The following EFNA5 variants were observed in gnomAD, a reference collection of about 807,000 sequenced individuals.
The protein encoded by EFNA5 is ephrin-A5.
Under a neutral mutation model 22.9 loss-of-function variants are expected in EFNA5, and 5 were observed. The observed-to-expected ratio is 0.22, with a 90% CI of 0.11 to 0.46. The LOEUF (loss-of-function observed/expected upper bound fraction) is 0.46, where lower values mean the gene tolerates loss of function less well. EFNA5 is among the 20% of genes least tolerant of loss of function. EFNA5 has a pLI of 0.99. For synonymous variants in EFNA5, 113 were observed against 112.2 expected, an observed-to-expected ratio of 1.01 and a Z score of -0.04; for missense variants, 237 against 293.3, an observed-to-expected ratio of 0.81 and a Z score of 1.40.
intron 1 of EFNA5, among the ~76,000 whole-genome samples, chr5:107,605,155 G>T (rs575085784): frequency 2.6e-5 from 4 of 151,876 alleles, no homozygotes; most frequent in Admixed American, 6.6e-5. Context: ...GTGGGGATGG[G>T]GGGGGAAGCA....
intron 1 of EFNA5, among the ~76,000 whole-genome samples, chr5:107,541,604 T>A (rs1357913862): frequency 1.3e-5 from 2 of 152,242 alleles, no homozygotes; most frequent in Non-Finnish European, 2.9e-5. Flanking sequence ...GGTGGTTTTG[T>A]CTAGCAGGCA....
chr5:107,491,300 GCCCCTCCCTCCCTCCTTCCTCC>G (rs1746799625), intron 1 of EFNA5, among the ~76,000 whole-genome samples: 1 of 152,096 alleles, frequency 6.6e-6, no homozygotes, highest in Admixed American at 6.5e-5. Flanking sequence ...AATACAGACG[GCCCCTCCCTCCCTCCTTCCTCC>G]CTTCCTTCCA....
At chr5:107,423,859 C>T (rs1301809698) in intron 2 of EFNA5, among the ~76,000 whole-genome samples, 3 of 152,074 alleles carry the variant, frequency 2.0e-5, no homozygotes, top group Non-Finnish European at 4.4e-5. Flanking sequence ...AATAAAGGGA[C>T]TAGAACTGCA....
At chr5:107,528,551 A>G (rs1645497030) in intron 1 of EFNA5, among the ~76,000 whole-genome samples, 1 of 152,218 alleles carries the variant, frequency 6.6e-6, no homozygotes, top group African/African-American at 2.4e-5. Context: ...AGTTTAAAGC[A>G]ATAGTCTCAA....
At chr5:107,449,091 T>C (rs2112444217) in intron 1 of EFNA5, among the ~76,000 whole-genome samples, 1 of 152,178 alleles carries the variant, frequency 6.6e-6, no homozygotes, top group South Asian at 2.1e-4. Context: ...CTATAACACT[T>C]TCAGTTTCAC....
chr5:107,395,595 A>G (rs1028289321), intron 2 of EFNA5, among the ~76,000 whole-genome samples: 1 of 152,236 alleles, frequency 6.6e-6, no homozygotes, highest in Non-Finnish European at 1.5e-5. Flanking sequence ...AAAGTTTTCT[A>G]TTATCAACTA....
At chr5:107,482,868 C>CTA (rs1491566387) in intron 1 of EFNA5, among the ~76,000 whole-genome samples, 38 of 42,916 alleles carry the variant, frequency 8.9e-4, no homozygotes, top group East Asian at 8.2e-3. Context: ...CTCTCTCTCT[C>CTA]TCTATATATA....
chr5:107,382,672 T>C (rs1390107674), intron 4 of EFNA5, among the ~76,000 whole-genome samples: 1 of 152,170 alleles, frequency 6.6e-6, no homozygotes, highest in Non-Finnish European at 1.5e-5. Context: ...ACCTGGCCAC[T>C]TGTGCTTTTA....
chr5:107,585,779 C>T (rs1749175146), intron 1 of EFNA5, among the ~76,000 whole-genome samples: 1 of 152,128 alleles, frequency 6.6e-6, no homozygotes, highest in Admixed American at 6.5e-5. Flanking sequence ...GGTGCCATAA[C>T]AGAAATTAGC....
At chr5:107,518,862 CA>C (rs1211716793) in intron 1 of EFNA5, among the ~76,000 whole-genome samples, 2 of 152,148 alleles carry the variant, frequency 1.3e-5, no homozygotes, top group African/African-American at 4.8e-5. Context: ...CCTAGAAACT[CA>C]ATGGAAAGTA....
At chr5:107,559,865 C>T (rs936352247) in intron 1 of EFNA5, among the ~76,000 whole-genome samples, 6 of 152,160 alleles carry the variant, frequency 3.9e-5, no homozygotes, top group Non-Finnish European at 8.8e-5. Flanking sequence ...AAAAATACTT[C>T]TTGCTGGATG....
intron 1 of EFNA5, among the ~76,000 whole-genome samples, chr5:107,486,547 C>T (rs184764343): frequency 6.6e-6 from 1 of 152,308 alleles, no homozygotes; most frequent in East Asian, 1.9e-4. Flanking sequence ...CCATATCTAA[C>T]TTTCTTCTCC....
chr5:107,585,832 G>C lies in EFNA5; in HGVS notation c.125+84657C>G, dbSNP rs72660774. ...TGTGGTTAGAAGTTAAGTTACATAA[G>C]AACATCTGGATGGCAATCAATCAGT... On this transcript the variant is annotated intron_variant, in intron 1 of 4. Transcript: ENST00000333274. Among the ~76,000 whole-genome samples the C allele has an allele frequency of 1.9e-3, 290 of 152,302 alleles. 3 individuals are homozygous for C. The East Asian group carries it at 0.034, about 18-fold the overall frequency.
chr5:107,441,352 T>C (rs1009652077), intron 1 of EFNA5, among the ~76,000 whole-genome samples: 1 of 152,160 alleles, frequency 6.6e-6, no homozygotes, highest in African/African-American at 2.4e-5. Context: ...TACCCACTCT[T>C]GGTGCTGTTA....
chr5:107,603,175 C>G (rs1331589269), intron 1 of EFNA5, among the ~76,000 whole-genome samples: 1 of 152,042 alleles, frequency 6.6e-6, no homozygotes, highest in Admixed American at 6.6e-5. Flanking sequence ...AGATTTAAGC[C>G]GAACTCCTCC....
chr5:107,538,704 T>C (rs1030130262), intron 1 of EFNA5, among the ~76,000 whole-genome samples: 1 of 152,220 alleles, frequency 6.6e-6, no homozygotes, highest in African/African-American at 2.4e-5. Flanking sequence ...ACCAGGAATG[T>C]AGAGCAGGCA....
At chr5:107,460,993 A>G (rs1209325684) in intron 1 of EFNA5, among the ~76,000 whole-genome samples, 1 of 152,118 alleles carries the variant, frequency 6.6e-6, no homozygotes, top group Non-Finnish European at 1.5e-5. Context: ...ACCAAAGAGA[A>G]CAATCACAGC....
At position 107,377,614 on chromosome 5, in the gene EFNA5, T is replaced by A. The variant is rs780443442; in HGVS notation, c.*3641A>T. On this transcript the variant is annotated 3_prime_UTR_variant, in exon 5 of 5. Transcript: ENST00000333274. ...TCCCTGAAAATCCACAGGTACTGTG[T>A]GACTCTTCCTTTCACAACGACACAG... is the stretch of plus-strand genomic sequence containing the variant. 6.6e-6 allele frequency: 1 copy of A among 152,146 alleles called. No homozygotes were observed. The highest frequency in any genetic ancestry group is 2.4e-5 in the African/African-American group (1 of 41,434). 9.4% of individuals were successfully genotyped at this position (152,146 alleles called of 1,614,324 possible). A position where few individuals can be genotyped will look rare whatever the true frequency, so the allele number is the denominator to read the frequency against.
At chr5:107,473,000 C>G (rs562262698) in intron 1 of EFNA5, among the ~76,000 whole-genome samples, 2 of 152,176 alleles carry the variant, frequency 1.3e-5, no homozygotes, top group South Asian at 2.1e-4. Flanking sequence ...CTCCCTCCCC[C>G]CAGCACCTGC....
Sources: gnomAD v4.1 joint callset for allele counts (sites outside exome capture counted in the v4.1 genomes callset) on GRCh38, gnomAD v4.1.1 for gene constraint, MANE v1.5 for transcripts, NCBI Gene and HGNC (gene_info 2026-07-23, HGNC 2026-07-21) for gene names.